The following BBX variants were observed in gnomAD, a reference collection of about 807,000 sequenced individuals.
BBX encodes BBX high mobility group box domain containing, also known as HMG box transcription factor BBX.
In BBX, 30 loss-of-function variants were observed where a neutral mutation model predicts 100.2. The ratio of observed to expected loss-of-function variants is 0.30; its 90% CI spans 0.22 to 0.41. The LOEUF is 0.41. Ranked by LOEUF, BBX falls within the 10% of genes least tolerant of loss-of-function variation. The pLI, the probability that BBX is intolerant of heterozygous loss-of-function variation, is 1.00. For synonymous variants in BBX, 376 were observed against 388.1 expected, an observed-to-expected ratio of 0.97 and a Z score of 0.37; for missense variants, 1,023 against 1,129.8, an observed-to-expected ratio of 0.91 and a Z score of 1.35.
At chr3:107,629,096 T>C (rs1481578697) in intron 2 of BBX, among the ~76,000 whole-genome samples, 1 of 152,082 alleles carries the variant, frequency 6.6e-6, no homozygotes, top group Non-Finnish European at 1.5e-5. Flanking sequence ...CCCATAAAAT[T>C]TGGGTCTCTT....
At chr3:107,756,463 G>A (rs1259946600) in intron 10 of BBX, among the ~76,000 whole-genome samples, 1 of 151,888 alleles carries the variant, frequency 6.6e-6, no homozygotes, top group Non-Finnish European at 1.5e-5. Flanking sequence ...CATTTTTCTG[G>A]TTTCTTTTCA....
chr3:107,688,473 T>G (rs1337376117), intron 3 of BBX, among the ~76,000 whole-genome samples: 2 of 152,170 alleles, frequency 1.3e-5, no homozygotes, highest in African/African-American at 4.8e-5. Context: ...GTGGATAAAT[T>G]TAGCCATTAG....
intron 15 of BBX, among the ~76,000 whole-genome samples, chr3:107,792,295 T>A (rs767086363): frequency 1.8e-4 from 27 of 152,212 alleles, no homozygotes; most frequent in Non-Finnish European, 3.8e-4. Flanking sequence ...AGAAGGGATT[T>A]TAGAGATGAT....
chr3:107,769,137 C>T (rs2066645067), intron 10 of BBX, among the ~76,000 whole-genome samples: 1 of 151,096 alleles, frequency 6.6e-6, no homozygotes, highest in African/African-American at 2.4e-5. Context: ...CACTGCACTC[C>T]AGGCTACATA....
At chr3:107,553,223 A>G (rs1319097956) in intron 2 of BBX, among the ~76,000 whole-genome samples, 6 of 152,202 alleles carry the variant, frequency 3.9e-5, no homozygotes, top group African/African-American at 1.4e-4. Flanking sequence ...CTGATTATGG[A>G]ACATTATGTA....
At chr3:107,690,053 G>A (rs2060062543) in intron 3 of BBX, among the ~76,000 whole-genome samples, 1 of 152,022 alleles carries the variant, frequency 6.6e-6, no homozygotes, top group African/African-American at 2.4e-5. Flanking sequence ...GGTAGCCTAG[G>A]GTTTTTTAAT....
chr3:107,580,180 CAT>C (rs2052166348), intron 2 of BBX, among the ~76,000 whole-genome samples: 1 of 152,062 alleles, frequency 6.6e-6, no homozygotes, highest in Non-Finnish European at 1.5e-5. Flanking sequence ...CAATTTCAGA[CAT>C]AGGAAATTAT....
At chr3:107,791,357 G>T (rs772249244) in intron 15 of BBX, 58 bp downstream of exon 15, 8 of 1,280,650 alleles carry the variant, frequency 6.2e-6, no homozygotes, top group Middle Eastern at 2.0e-4. Context: ...GACATAAGTT[G>T]TATAGGTTTT....
At chr3:107,803,466 C>G (rs1288990978) in intron 17 of BBX, among the ~76,000 whole-genome samples, 1 of 152,050 alleles carries the variant, frequency 6.6e-6, no homozygotes, top group Non-Finnish European at 1.5e-5. Flanking sequence ...TAAAGGGTGG[C>G]CCATGGAGTT....
At chr3:107,555,007 G>A (rs1002299280) in intron 2 of BBX, among the ~76,000 whole-genome samples, 2 of 151,958 alleles carry the variant, frequency 1.3e-5, no homozygotes, top group Non-Finnish European at 2.9e-5. Flanking sequence ...GGCGGAGGTT[G>A]CAATGAGCCG....
chr3:107,738,694 C>T (rs919161376), intron 7 of BBX, among the ~76,000 whole-genome samples: 1 of 152,146 alleles, frequency 6.6e-6, no homozygotes, highest in Non-Finnish European at 1.5e-5. Flanking sequence ...CCAACCTTAG[C>T]TCTGGCCACT....
intron 2 of BBX, among the ~76,000 whole-genome samples, chr3:107,633,440 A>G (rs2056667197): frequency 6.6e-6 from 1 of 152,196 alleles, no homozygotes; most frequent in Non-Finnish European, 1.5e-5. Flanking sequence ...TTTAAAATGC[A>G]TATAACCTGA....
At chr3:107,669,265 A>T (rs2058906238) in intron 3 of BBX, among the ~76,000 whole-genome samples, 1 of 152,130 alleles carries the variant, frequency 6.6e-6, no homozygotes, top group Admixed American at 6.6e-5. Flanking sequence ...AGGAGATGTT[A>T]TTTTGCCTAG....
chr3:107,699,942 G>A (rs965403541), intron 3 of BBX, among the ~76,000 whole-genome samples: 2 of 151,980 alleles, frequency 1.3e-5, no homozygotes, highest in Non-Finnish European at 1.5e-5. Context: ...AGGTTTAGAA[G>A]CAAGAATATT....
intron 2 of BBX, among the ~76,000 whole-genome samples, chr3:107,561,999 T>G (rs2050534420): frequency 6.6e-6 from 1 of 152,230 alleles, no homozygotes; most frequent in Non-Finnish European, 1.5e-5. Flanking sequence ...AGTTGTACCT[T>G]TTTTGAAATA....
Position 107,739,475 on chromosome 3 carries a change from C to T in BBX, c.670-5155C>T, listed in dbSNP as rs906001650. ...TGCCCATCCAAATCCAATGGTAGAACCCAGCCTCTACCATCTGTCCACTGT... is the reference window on the plus strand; with the variant it reads ...TGCCCATCCAAATCCAATGGTAGAATCCAGCCTCTACCATCTGTCCACTGT... On this transcript the variant is annotated intron_variant, in intron 7 of 17. Transcript: ENST00000325805. Among the ~76,000 whole-genome samples, 5 of 152,200 alleles carry T rather than the reference C, an allele frequency of 3.3e-5. No homozygotes were observed. In the East Asian group the frequency reaches 9.6e-4, roughly 29 times the overall value.
At chr3:107,666,396 T>G (rs1456103037) in intron 3 of BBX, among the ~76,000 whole-genome samples, 2 of 152,208 alleles carry the variant, frequency 1.3e-5, no homozygotes, top group African/African-American at 4.8e-5. Context: ...ACATTCCATT[T>G]AAGTCTTGCA....
At chr3:107,528,262 C>G (rs751380127) in intron 2 of BBX, among the ~76,000 whole-genome samples, 7 of 152,138 alleles carry the variant, frequency 4.6e-5, no homozygotes, top group Non-Finnish European at 8.8e-5. Flanking sequence ...TCTCCATTTC[C>G]AAGTGTTTCC....
rs971665499 is a variant in BBX at position 107,807,937 on chromosome 3, T to A, written c.*2480T>A. The A allele has an allele frequency of 6.6e-5, 10 of 152,176 alleles. No homozygotes were observed. The highest frequency in any genetic ancestry group is 4.4e-5 in the Non-Finnish European group (3 of 68,036). 9.4% of individuals were successfully genotyped at this position (152,176 alleles called of 1,614,324 possible). On this transcript the variant is annotated 3_prime_UTR_variant, in exon 18 of 18. Coordinates refer to ENST00000325805, the MANE Select transcript of BBX (RefSeq NM_001142568.3). ...GAGAGTAGCAGAAATCCTGCAAAGC[T>A]TTATAGTTCCTTAGACTCACCTTGT... is the stretch of plus-strand genomic sequence containing the variant.
Sources: allele counts gnomAD v4.1 joint callset (sites outside exome capture counted in the v4.1 genomes callset), GRCh38; gene constraint gnomAD v4.1.1; transcripts MANE v1.5; gene names NCBI Gene and HGNC (gene_info 2026-07-23, HGNC 2026-07-21).